The following LRRTM1 variants were observed in gnomAD, a reference collection of about 807,000 sequenced individuals.
LRRTM1 encodes leucine rich repeat transmembrane neuronal 1.
In LRRTM1, 8 loss-of-function variants were observed where a neutral mutation model predicts 37.3. The observed-to-expected ratio is 0.21, with a 90% CI of 0.13 to 0.39. LRRTM1 has a LOEUF of 0.39. LRRTM1 is among the 10% of genes least tolerant of loss of function. LRRTM1 has a pLI of 1.00. For synonymous variants in LRRTM1, 326 were observed against 316.8 expected, an observed-to-expected ratio of 1.03 and a Z score of -0.31; for missense variants, 557 against 691.0, an observed-to-expected ratio of 0.81 and a Z score of 2.17.
At chr2:80,299,845 C>T (rs1676083004), downstream of LRRTM1, among the ~76,000 whole-genome samples, 1 of 152,130 alleles carries the variant, frequency 6.6e-6, no homozygotes, top group Non-Finnish European at 1.5e-5. Flanking sequence ...GTAAGCACAC[C>T]CACACAGCTC....
At chr2:80,292,894 A>G (rs780892503) in intron 2 of LRRTM1, among the ~76,000 whole-genome samples, 4 of 152,178 alleles carry the variant, frequency 2.6e-5, no homozygotes, top group Non-Finnish European at 5.9e-5. Flanking sequence ...TCTTTCCTAC[A>G]GCATGTTTGC....
chr2:80,291,763 G>A (rs1421944610), intron 2 of LRRTM1, among the ~76,000 whole-genome samples: 1 of 152,178 alleles, frequency 6.6e-6, no homozygotes, highest in Non-Finnish European at 1.5e-5. Context: ...CACATCACCA[G>A]AAGGCCCTTG....
chr2:80,300,965 AAAGC>A (rs1676246980), downstream of LRRTM1, among the ~76,000 whole-genome samples: 2 of 151,516 alleles, frequency 1.3e-5, no homozygotes, highest in Admixed American at 1.3e-4. Context: ...AAAAAAAGGG[AAAGC>A]AAGCATTACA....
At chr2:80,290,606 T>C (rs1675152094) in intron 2 of LRRTM1, among the ~76,000 whole-genome samples, 1 of 152,098 alleles carries the variant, frequency 6.6e-6, no homozygotes, top group Admixed American at 6.6e-5. Flanking sequence ...ACATTTTTTT[T>C]CCTAATTACT....
At chr2:80,295,103 A>G (rs376502919) in intron 2 of LRRTM1, among the ~76,000 whole-genome samples, 4 of 148,600 alleles carry the variant, frequency 2.7e-5, no homozygotes, top group East Asian at 2.0e-4. Context: ...TTTCTTCTCA[A>G]TCTCTCTTTC....
Position 80,290,148 on chromosome 2 carries a change from G to C in LRRTM1, c.*307-953C>G, listed in dbSNP as rs553255519. Among the ~76,000 whole-genome samples the C allele has an allele frequency of 1.4e-4, 21 of 152,228 alleles. No homozygotes were observed. In the South Asian group the frequency reaches 4.1e-3, roughly 30 times the overall value. ...ATTGTTTTCTGAATTTTATAGACAA[G>C]GGAATTGAGGTACAGAAAAGTGCTG... On this transcript the variant is annotated intron_variant and NMD_transcript_variant, in intron 2 of 2. Coordinates refer to the LRRTM1 transcript ENST00000417012.
chr2:80,290,232 T>A (rs927481034), intron 2 of LRRTM1, among the ~76,000 whole-genome samples: 6 of 152,134 alleles, frequency 3.9e-5, no homozygotes, highest in African/African-American at 1.2e-4. Flanking sequence ...GCCAGATAGT[T>A]TTTTAGTACA....
chr2:80,302,909 T>C lies in LRRTM1; in HGVS notation c.911A>G (p.Lys304Arg), dbSNP rs1402587996. ...YIEPRILNSW[K>R]SLTSITLAGN... ...GGCCAGGGTGATGCTTGTCAGGGAC[T>C]TCCAAGAGTTGAGGATCCGGGGCTC... Residue 304 changes from lysine (K) to arginine (R), a missense_variant, in exon 2 of 2, where the codon AAG (lysine) becomes AGG (arginine). Lys to Arg is a conservative substitution (Grantham distance 26, BLOSUM62 2). This residue lies in a region of LRRTM1 where 200 missense variants were observed against 249.9 expected (regional missense o/e 0.80). Transcript: ENST00000295057. The surrounding 1 kb of genome is among the most constrained non-coding windows in gnomAD (Gnocchi z 6.4). The C allele has an allele frequency of 6.2e-7, 1 of 1,614,030 alleles. No individual in the cohort carries two copies. Among genetic ancestry groups the C allele is most frequent in the Admixed American group, 1.7e-5 (1 of 60,002 alleles).
At chr2:80,289,379 TG>T (rs950466818) in intron 2 of LRRTM1, among the ~76,000 whole-genome samples, 2 of 152,226 alleles carry the variant, frequency 1.3e-5, no homozygotes, top group African/African-American at 4.8e-5. Context: ...CAATATTACT[TG>T]CCCTACTAAT....
At chr2:80,293,714 G>A (rs550869992) in intron 2 of LRRTM1, among the ~76,000 whole-genome samples, 2 of 152,248 alleles carry the variant, frequency 1.3e-5, no homozygotes, top group East Asian at 1.9e-4. Context: ...CCACTCCACC[G>A]ATCAGTGTCC....
At chr2:80,289,949 A>G (rs1675095304) in intron 2 of LRRTM1, among the ~76,000 whole-genome samples, 1 of 152,168 alleles carries the variant, frequency 6.6e-6, no homozygotes, top group Non-Finnish European at 1.5e-5. Context: ...AGTTTGAAGG[A>G]TATGGGCCTC....
At position 80,303,502 on chromosome 2, in the gene LRRTM1, C is replaced by T; in HGVS notation, c.318G>A (p.Gly106=). The change falls in exon 2 of 2, where the codon GGG becomes GGA. Residue 106 remains glycine (G), a synonymous_variant. Transcript: ENST00000295057. This position sits in a 1 kb window ranked among gnomAD's most constrained non-coding sequence, Gnocchi z 7.7. ...CTCGGCGCAGTTTCTGAAAGGCGTCCCCCTGCACGGAGCAGATGTGATTGT... is the reference window on the plus strand; with the variant it reads ...CTCGGCGCAGTTTCTGAAAGGCGTCTCCCTGCACGGAGCAGATGTGATTGT... ...LDHNHICSVQ[G]DAFQKLRRVK... 2 of 1,614,216 alleles carry T rather than the reference C, an allele frequency of 1.2e-6. No homozygotes were observed. Among genetic ancestry groups the T allele is most frequent in the African/African-American group, 1.3e-5 (1 of 75,062 alleles).
downstream of LRRTM1, among the ~76,000 whole-genome samples, chr2:80,300,006 T>A (rs1039161805): frequency 3.9e-5 from 6 of 152,148 alleles, no homozygotes; most frequent in Admixed American, 3.9e-4. Context: ...AGGAGGTCGC[T>A]TTAGTAGGGT....
intron 2 of LRRTM1, among the ~76,000 whole-genome samples, chr2:80,295,244 G>A (rs1675640492): frequency 6.6e-6 from 1 of 150,504 alleles, no homozygotes; most frequent in Non-Finnish European, 1.5e-5. Flanking sequence ...TTTTTTGTGG[G>A]TAGGGGGCTA....
At position 80,303,362 on chromosome 2, in the gene LRRTM1, G is replaced by C. The variant is rs1187860249; in HGVS notation, c.458C>G (p.Ala153Gly). Residue 153 changes from alanine to glycine, a missense_variant, in exon 2 of 2, where the codon GCG becomes GGG. This residue lies in a region of LRRTM1 where 38 missense variants were observed against 72.9 expected (regional missense o/e 0.52). Coordinates refer to ENST00000295057, the MANE Select transcript of LRRTM1 (RefSeq NM_178839.5). This position sits in a 1 kb window ranked among gnomAD's most constrained non-coding sequence, Gnocchi z 7.7. ...CCGCAGCCCGTGGAAGAGGTCGGGCGCGAGCGCCTGCAGCTTGTTGTACGA... is the reference window on the plus strand; with the variant it reads ...CCGCAGCCCGTGGAAGAGGTCGGGCCCGAGCGCCTGCAGCTTGTTGTACGA... ...DLSYNKLQAL[A>G]PDLFHGLRKL... The C allele has an allele frequency of 3.7e-6, 6 of 1,614,104 alleles. No homozygotes were observed. Among genetic ancestry groups the C allele is most frequent in the Non-Finnish European group, 5.1e-6 (6 of 1,180,038 alleles).
Position 80,302,397 on chromosome 2 carries a change from G to C in LRRTM1, c.1423C>G (p.Gln475Glu). The change falls in exon 2 of 2, where the codon CAG becomes GAG. Residue 475 changes from glutamine to glutamate, a missense_variant. Physicochemically the swap from Gln to Glu is conservative, Grantham distance 29. Transcript: ENST00000295057. This position sits in a 1 kb window ranked among gnomAD's most constrained non-coding sequence, Gnocchi z 6.4. Reference protein sequence around the residue: ...VTQRRKQKQKQTMHQMAAMSA... With the variant: ...VTQRRKQKQKETMHQMAAMSA... ...ATGGCAGCCATCTGATGCATGGTCT[G>C]TTTCTGCTTTTGCTTCCTGCGCTGC... The C allele has an allele frequency of 2.5e-6, 4 of 1,614,248 alleles. No individual in the cohort carries two copies. Among genetic ancestry groups the C allele is most frequent in the Non-Finnish European group, 3.4e-6 (4 of 1,180,040 alleles).
chr2:80,303,706 C>T lies in LRRTM1; in HGVS notation c.114G>A (p.Gly38=), dbSNP rs531265140. ...CFQMLPAAPS[G]CPQLCRCEGR... is the part of the protein sequence containing the mutation. ...CCTCGCACCGGCACAGCTGCGGGCA[C>T]CCGCTGGGGGCGGCGGGCAGCATCT... The change falls in exon 2 of 2, where the codon GGG becomes GGA. Residue 38 remains glycine (G), a synonymous_variant. Transcript: ENST00000295057. The surrounding 1 kb of genome is among the most constrained non-coding windows in gnomAD (Gnocchi z 7.7). The T allele has an allele frequency of 1.1e-5, 17 of 1,609,326 alleles. No homozygotes were observed. The highest frequency in any genetic ancestry group is 3.3e-4 in the Middle Eastern group (2 of 6,044).
At chr2:80,299,820 C>T (rs889536679), downstream of LRRTM1, 12 of 152,162 alleles carry the variant, frequency 7.9e-5, no homozygotes, top group African/African-American at 2.9e-4. Context: ...GGTTTTGCTT[C>T]TGAAAGCTTT....
Position 80,302,606 on chromosome 2 carries a change from G to A in LRRTM1, c.1214C>T (p.Thr405Ile), listed in dbSNP as rs1277707517. ...ADGGEGQHDGTFEPATVALPG... is the reference protein window; with the variant it reads ...ADGGEGQHDGIFEPATVALPG... ...AAGAGCCACGGTGGCAGGCTCGAAT[G>A]TGCCGTCGTGCTGCCCCTCCCCGCC... The change falls in exon 2 of 2, where the codon ACA (threonine) becomes ATA (isoleucine). Residue 405 changes from threonine to isoleucine, a missense_variant. Around this residue, in one of 5 missense-constraint regions of LRRTM1, gnomAD observed 89 missense variants for 80.7 expected, o/e 1.10. Coordinates refer to ENST00000295057, the MANE Select transcript of LRRTM1 (RefSeq NM_178839.5). The surrounding 1 kb of genome is among the most constrained non-coding windows in gnomAD (Gnocchi z 6.4). The A allele has an allele frequency of 6.2e-7, 1 of 1,605,876 alleles. No individual in the cohort carries two copies. The highest frequency in any genetic ancestry group is 1.3e-5 in the African/African-American group (1 of 75,022).
Sources: allele counts gnomAD v4.1 joint callset (sites outside exome capture counted in the v4.1 genomes callset), GRCh38; gene constraint gnomAD v4.1.1; regional missense constraint gnomAD v4.1.1; non-coding constraint Gnocchi (gnomAD v3.1); transcripts MANE v1.5; gene names NCBI Gene and HGNC (gene_info 2026-07-23, HGNC 2026-07-21).